SUFU: variants seen among roughly 807,000 people sequenced by gnomAD.
SUFU encodes SUFU negative regulator of hedgehog signaling.
In SUFU, 7 loss-of-function variants were observed where a neutral mutation model predicts 58.9. The ratio of observed to expected loss-of-function variants is 0.12; its 90% CI spans 0.07 to 0.22. The LOEUF is 0.22. SUFU is among the 10% of genes least tolerant of loss of function. The pLI, the probability that SUFU is intolerant of heterozygous loss-of-function variation, is 1.00. For synonymous variants in SUFU, 232 were observed against 254.8 expected (o/e 0.91, Z 0.85); for missense variants, 451 against 641.3 (o/e 0.70, Z 3.20).
At chr10:102,603,108 C>T (rs141748976) in intron 8 of SUFU, among the ~76,000 whole-genome samples, 2 of 152,288 alleles carry the variant, frequency 1.3e-5, no homozygotes, top group African/African-American at 4.8e-5. Flanking sequence ...GGTCTCTCTA[C>T]AGTGCACAGA....
intron 3 of SUFU, among the ~76,000 whole-genome samples, chr10:102,581,200 A>G (rs57356680): frequency 5.9e-5 from 5 of 84,396 alleles, no homozygotes; most frequent in Admixed American, 1.5e-4. Flanking sequence ...AAAAAAAAAA[A>G]AAAAAAAAAA....
intron 2 of SUFU, among the ~76,000 whole-genome samples, chr10:102,540,418 A>C (rs1227397754): frequency 6.6e-6 from 1 of 152,210 alleles, no homozygotes; most frequent in African/African-American, 2.4e-5. Context: ...TGGGAGGCCC[A>C]AGTGGGTGGA....
At chr10:102,518,244 G>C (rs2062496395) in intron 2 of SUFU, among the ~76,000 whole-genome samples, 1 of 152,256 alleles carries the variant, frequency 6.6e-6, no homozygotes, top group Non-Finnish European at 1.5e-5. Flanking sequence ...AGGAAACTGA[G>C]ATGCAGAAAT....
intron 3 of SUFU, among the ~76,000 whole-genome samples, chr10:102,582,335 G>T (rs960556615): frequency 6.6e-6 from 1 of 152,210 alleles, no homozygotes; most frequent in Non-Finnish European, 1.5e-5. Context: ...GAATGTATTT[G>T]TAAGAACTCA....
At chr10:102,623,560 ATAGGC>A (rs1368372646) in intron 10 of SUFU, among the ~76,000 whole-genome samples, 7 of 152,330 alleles carry the variant, frequency 4.6e-5, no homozygotes, top group African/African-American at 1.7e-4. Context: ...CCCCATCTAT[ATAGGC>A]TTCTACAGTT....
intron 3 of SUFU, among the ~76,000 whole-genome samples, chr10:102,573,410 G>A (rs944313541): frequency 1.3e-5 from 2 of 152,238 alleles, no homozygotes; most frequent in Non-Finnish European, 2.9e-5. Context: ...TGCAGCTGCT[G>A]TGGAAAATGG....
intron 8 of SUFU, among the ~76,000 whole-genome samples, chr10:102,602,790 A>G (rs1400807042): frequency 6.6e-6 from 1 of 152,122 alleles, no homozygotes; most frequent in Non-Finnish European, 1.5e-5. Context: ...TCCCGGAAGG[A>G]GAGTCCTTGG....
At chr10:102,595,075 A>T (rs1186498344) in intron 6 of SUFU, among the ~76,000 whole-genome samples, 3 of 152,114 alleles carry the variant, frequency 2.0e-5, no homozygotes, top group African/African-American at 7.2e-5. Flanking sequence ...ACAGCTAATA[A>T]TGTTACCTGC....
chr10:102,590,364 A>T (rs1316029093), intron 3 of SUFU, among the ~76,000 whole-genome samples: 2 of 151,424 alleles, frequency 1.3e-5, no homozygotes, highest in Non-Finnish European at 2.9e-5. Context: ...ACGGGGTTTC[A>T]CTTTGTTGGC....
chr10:102,511,518 T>C lies in SUFU; in HGVS notation c.317+2215T>C, dbSNP rs180849165. ...TAAAGAAGATGATGATAGCCTTTTTTCCCTTTGTTTAGTACTTACTGTCTT... is the reference window on the plus strand; with the variant it reads ...TAAAGAAGATGATGATAGCCTTTTTCCCCTTTGTTTAGTACTTACTGTCTT... On this transcript the variant is annotated intron_variant, in intron 2 of 11. Coordinates refer to ENST00000369902, the MANE Select transcript of SUFU (RefSeq NM_016169.4). 1.9e-4 allele frequency among the ~76,000 whole-genome samples: 29 copies of C among 152,336 alleles called. No individual in the cohort carries two copies. In the East Asian group the frequency reaches 4.8e-3, roughly 25 times the overall value.
intron 1 of SUFU, among the ~76,000 whole-genome samples, 153 bp from the exon 2 acceptor site, chr10:102,509,016 G>A (rs369331395): frequency 6.6e-6 from 1 of 152,354 alleles, no homozygotes; most frequent in South Asian, 2.1e-4. Context: ...CCATCCCTTA[G>A]TCTCATTCTG....
Position 102,619,187 on chromosome 10 carries a change from C to T in SUFU, c.1296+1759C>T. 1 of 1,604,902 alleles carries T rather than the reference C, an allele frequency of 6.2e-7. No individual in the cohort carries two copies. The highest frequency in any genetic ancestry group is 8.5e-7 in the Non-Finnish European group (1 of 1,178,314). ...GAACCTTGGCCCCCACAGGACTTCGCAGATGTCACATTGCCCCTCAGTCCC... is the reference window on the plus strand; with the variant it reads ...GAACCTTGGCCCCCACAGGACTTCGTAGATGTCACATTGCCCCTCAGTCCC... On this transcript the variant is annotated intron_variant, in intron 10 of 11. Coordinates refer to ENST00000369902, the MANE Select transcript of SUFU (RefSeq NM_016169.4). The surrounding 1 kb of genome is among the most constrained non-coding windows in gnomAD (Gnocchi z 4.2).
At chr10:102,505,684 C>G (rs11191308) in intron 1 of SUFU, among the ~76,000 whole-genome samples, 1 of 152,154 alleles carries the variant, frequency 6.6e-6, no homozygotes, top group Non-Finnish European at 1.5e-5. Flanking sequence ...CACCTGCTGT[C>G]TAGGGAGGAT....
At chr10:102,556,887 C>T (rs1405092760) in intron 3 of SUFU, among the ~76,000 whole-genome samples, 3 of 151,630 alleles carry the variant, frequency 2.0e-5, no homozygotes, top group Non-Finnish European at 2.9e-5. Flanking sequence ...GTTAGGAGTT[C>T]GAAACCAGCC....
intron 3 of SUFU, chr10:102,579,946 C>A: frequency 1.2e-6 from 1 of 816,748 alleles, no homozygotes; most frequent in Non-Finnish European, 1.5e-6. Context: ...GCCATTTGAC[C>A]AGCTATGAAG....
In SUFU at chr10:102,619,255, A is replaced by G; in HGVS notation, c.1296+1827A>G. ...CCAACCCCAATTCCCCAAGCCCCTG[A>G]CCCCCTAGCTGCCGGGGTTCCCACT... On this transcript the variant is annotated intron_variant, in intron 10 of 11. Transcript: ENST00000369902. This position sits in a 1 kb window ranked among gnomAD's most constrained non-coding sequence, Gnocchi z 4.2. The G allele has an allele frequency of 1.4e-6, 2 of 1,455,646 alleles. No homozygotes were observed. The highest frequency in any genetic ancestry group is 2.3e-5 in the Admixed American group (1 of 43,802). 90.2% of individuals were successfully genotyped at this position (1,455,646 alleles called of 1,614,324 possible).
chr10:102,595,680 C>A (rs2063454027), intron 6 of SUFU, among the ~76,000 whole-genome samples: 1 of 152,168 alleles, frequency 6.6e-6, no homozygotes, highest in Non-Finnish European at 1.5e-5. Context: ...CAGGGTCCCA[C>A]AGGAACAAAG....
chr10:102,626,635 C>T (rs773511462), intron 10 of SUFU, among the ~76,000 whole-genome samples: 5 of 152,052 alleles, frequency 3.3e-5, no homozygotes, highest in Non-Finnish European at 5.9e-5. Context: ...TAAAATGAGA[C>T]GTTGGTCCAC....
At chr10:102,529,717 C>T (rs372144703) in intron 2 of SUFU, among the ~76,000 whole-genome samples, 5 of 151,702 alleles carry the variant, frequency 3.3e-5, no homozygotes, top group African/African-American at 9.7e-5. Context: ...GAGGCCAAGG[C>T]GGGCAGATCA....
Sources: allele counts gnomAD v4.1 joint callset (sites outside exome capture counted in the v4.1 genomes callset), GRCh38; gene constraint gnomAD v4.1.1; non-coding constraint Gnocchi (gnomAD v3.1); transcripts MANE v1.5; gene names NCBI Gene and HGNC (gene_info 2026-07-23, HGNC 2026-07-21).